Variants in IST1 observed in about 807,000 individuals in gnomAD.
The protein encoded by IST1 is IST1 homolog.
In IST1, 23 loss-of-function variants were observed where a neutral mutation model predicts 37.0. That is an observed-to-expected ratio of 0.62 (90% CI 0.45 to 0.88). The LOEUF (loss-of-function observed/expected upper bound fraction) is 0.88, where lower values mean the gene tolerates loss of function less well. Among genes scored for constraint, IST1 ranks in the 40% least tolerant of loss-of-function variants. The pLI is 0.00. For missense variants in IST1, 488 were observed against 445.4 expected (o/e 1.10, Z -0.86); for synonymous variants, 180 against 161.7 (o/e 1.11, Z -0.86).
chr16:71,913,537 C>G (rs2037403145), intron 1 of IST1, among the ~76,000 whole-genome samples: 1 of 152,064 alleles, frequency 6.6e-6, no homozygotes, highest in African/African-American at 2.4e-5. Flanking sequence ...GTCTTGCTCT[C>G]TCACCTAGCC....
upstream of IST1, chr16:71,894,610 C>T: frequency 2.0e-6 from 1 of 497,074 alleles, no homozygotes; most frequent in Non-Finnish European, 3.6e-6. Flanking sequence ...ACTGCAGCAG[C>T]GACCTTCTGG....
intron 4 of IST1, among the ~76,000 whole-genome samples, chr16:71,920,478 GAGTA>G (rs1381313997): frequency 2.0e-5 from 3 of 152,212 alleles, no homozygotes; most frequent in Non-Finnish European, 4.4e-5. Flanking sequence ...GACTCTATAA[GAGTA>G]AGAACAGTAT....
At chr16:71,899,309 C>T (rs571886962) in intron 1 of IST1, among the ~76,000 whole-genome samples, 241 of 151,572 alleles carry the variant, frequency 1.6e-3, no homozygotes, top group African/African-American at 5.4e-3. Flanking sequence ...CCAGGTGTGG[C>T]GGCTCATGCC....
chr16:71,922,331 C>G, intron 6 of IST1, 143 bp from the exon 7 acceptor site: 1 of 707,550 alleles, frequency 1.4e-6, no homozygotes, highest in Non-Finnish European at 2.5e-6. Context: ...CCACCTAACT[C>G]TGCCTTTTCT....
chr16:71,916,906 A>T, intron 3 of IST1, 141 bp from the exon 4 acceptor site: 1 of 612,558 alleles, frequency 1.6e-6, no homozygotes. Flanking sequence ...GATCACGAAA[A>T]TGGCTAGAAG....
chr16:71,926,809 G>C (rs1470686584), intron 9 of IST1, among the ~76,000 whole-genome samples: 2 of 151,906 alleles, frequency 1.3e-5, no homozygotes, highest in Non-Finnish European at 2.9e-5. Flanking sequence ...CCTGAATCTA[G>C]AACTTAAGGA....
upstream of IST1, chr16:71,894,805 G>A (rs549463802): frequency 9.8e-6 from 15 of 1,530,352 alleles, no homozygotes; most frequent in South Asian, 1.2e-5. Context: ...AAAGTGCTGG[G>A]AAGGTCCCTT....
At chr16:71,907,385 C>G (rs896273272) in intron 1 of IST1, among the ~76,000 whole-genome samples, 1 of 151,314 alleles carries the variant, frequency 6.6e-6, no homozygotes, top group African/African-American at 2.4e-5. Context: ...TCATGCCATT[C>G]TCCTGCCTCA....
upstream of IST1, chr16:71,895,220 CCGTGGGCG>C: frequency 5.7e-6 from 1 of 175,668 alleles, no homozygotes; most frequent in Non-Finnish European, 1.2e-5. Flanking sequence ...CGCGGTGAGG[CCGTGGGCG>C]CAGAGTCCGA....
Position 71,916,482 on chromosome 16 carries a change from A to G in IST1, c.109A>G (p.Arg37Gly). 6.2e-7 allele frequency: 1 copy of G among 1,612,590 alleles called. No individual in the cohort carries two copies. Residue 37 changes from arginine (R) to glycine (G), a missense_variant, in exon 3 of 10, where the codon AGG (arginine) becomes GGG (glycine). Transcript: ENST00000378799. ...KKKTELAQKA[R>G]KEIADYLAAG... ...CTTAGCGGAACTGGCCCAGAAAGCA[A>G]GGAAGGAGATTGCTGACTATCTGGC...
intron 9 of IST1, 114 bp from the exon 10 acceptor site, chr16:71,927,500 A>AG: frequency 1.2e-6 from 1 of 801,198 alleles, no homozygotes. Flanking sequence ...AAAAAAAAAA[A>AG]AAGTTTGTGA....
At chr16:71,920,959 G>T (rs899872194) in intron 5 of IST1, 137 bp downstream of exon 5, 29 of 726,802 alleles carry the variant, frequency 4.0e-5, no homozygotes, top group Non-Finnish European at 7.2e-5. Flanking sequence ...GAGGACAGCT[G>T]TGTGGCTGGC....
Position 71,922,600 on chromosome 16 carries a change from A to T in IST1, c.679A>T (p.Thr227Ser), listed in dbSNP as rs758060928. 1.2e-6 allele frequency: 2 copies of T among 1,602,434 alleles called. No homozygotes were observed. Among genetic ancestry groups the T allele is most frequent in the Non-Finnish European group, 1.7e-6 (2 of 1,175,332 alleles). ...AGCACCAGTTGGTGGACCTGATGGAACGGTGCCAATGCCCATGCCCATGCC... is the reference window on the plus strand; with the variant it reads ...AGCACCAGTTGGTGGACCTGATGGATCGGTGCCAATGCCCATGCCCATGCC... ...FTAPVGGPDG[T>S]VPMPMPMPMP... Residue 227 changes from threonine to serine, a missense_variant, in exon 7 of 10, where the codon ACG becomes TCG. Transcript: ENST00000378799.
chr16:71,904,716 T>G (rs1043935570), intron 1 of IST1, among the ~76,000 whole-genome samples: 2 of 152,156 alleles, frequency 1.3e-5, no homozygotes, highest in Admixed American at 1.3e-4. Context: ...CCTCCAACTT[T>G]CTTTTGATTA....
At chr16:71,901,950 A>G (rs1232587262) in intron 1 of IST1, among the ~76,000 whole-genome samples, 1 of 152,248 alleles carries the variant, frequency 6.6e-6, no homozygotes, top group Non-Finnish European at 1.5e-5. Flanking sequence ...GGAAAAAGAT[A>G]TAAAGCATGC....
In IST1 at chr16:71,913,298, C is replaced by T. The variant is rs189269534; in HGVS notation, c.-15-2328C>T. 4.6e-5 allele frequency among the ~76,000 whole-genome samples: 7 copies of T among 151,846 alleles called. No individual in the cohort carries two copies. In the East Asian group the frequency reaches 1.2e-3, roughly 25 times the overall value. The stretch of plus-strand genomic sequence containing the variant: ...ATTTTCTTTTTTTTTTTGATAGTAG[C>T]CATCCTAATGGGTGTGAGGTGGTAT... On this transcript the variant is annotated intron_variant, in intron 1 of 9. Coordinates refer to ENST00000378799, the MANE Select transcript of IST1 (RefSeq NM_001270975.2).
At position 71,922,523 on chromosome 16, in the gene IST1, C is replaced by G. The variant is rs145394291; in HGVS notation, c.602C>G (p.Thr201Arg). ...ACAGATCTTATTGATGTTGGATTCA[C>G]AGATGATGTGAAGAAAGGAGGCCCT... ...VETDLIDVGF[T>R]DDVKKGGPGR... Residue 201 changes from threonine to arginine, a missense_variant, in exon 7 of 10, where the codon ACA becomes AGA. Around this residue, in one of 2 missense-constraint regions of IST1, gnomAD observed 455 missense variants for 386.2 expected, o/e 1.18. Coordinates refer to ENST00000378799, the MANE Select transcript of IST1 (RefSeq NM_001270975.2). 6.2e-7 allele frequency: 1 copy of G among 1,614,180 alleles called. No homozygotes were observed. The highest frequency in any genetic ancestry group is 8.5e-7 in the Non-Finnish European group (1 of 1,180,028).
chr16:71,912,239 A>G (rs987881380), intron 1 of IST1, among the ~76,000 whole-genome samples: 5 of 151,820 alleles, frequency 3.3e-5, no homozygotes, highest in African/African-American at 1.2e-4. Context: ...TGTCTCCATT[A>G]TAAAAATTTT....
chr16:71,923,247 C>G, intron 7 of IST1, 41 bp from the exon 8 acceptor site: 1 of 1,214,506 alleles, frequency 8.2e-7, no homozygotes, highest in Non-Finnish European at 1.2e-6. Context: ...AGATTGCAAA[C>G]TGGAGGCAGT....
Sources: allele counts gnomAD v4.1 joint callset (sites outside exome capture counted in the v4.1 genomes callset), GRCh38; gene constraint gnomAD v4.1.1; regional missense constraint gnomAD v4.1.1; transcripts MANE v1.5; gene names NCBI Gene and HGNC (gene_info 2026-07-23, HGNC 2026-07-21).